Variants in NDRG1 observed in about 807,000 individuals in gnomAD.
NDRG1 encodes N-myc downstream regulated 1, also known as protein NDRG1.
In NDRG1, 32 loss-of-function variants were observed where a neutral mutation model predicts 56.9. The ratio of observed to expected loss-of-function variants is 0.56; its 90% CI spans 0.42 to 0.76. The LOEUF (loss-of-function observed/expected upper bound fraction) is 0.76, where lower values mean the gene tolerates loss of function less well. NDRG1 is among the 30% of genes least tolerant of loss of function. The pLI is 0.00. For missense variants in NDRG1, 507 were observed against 545.7 expected, an observed-to-expected ratio of 0.93 and a Z score of 0.71; for synonymous variants, 211 against 204.1, an observed-to-expected ratio of 1.03 and a Z score of -0.29.
chr8:133,280,307 T>C (rs945488134), intron 2 of NDRG1, 40 bp from the exon 3 acceptor site: 4 of 1,602,814 alleles, frequency 2.5e-6, no homozygotes, highest in Middle Eastern at 1.7e-4. Flanking sequence ...TCATCTGTTT[T>C]CTCTGTAAGA....
chr8:133,292,824 A>G (rs1858500195), intron 1 of NDRG1, among the ~76,000 whole-genome samples: 1 of 152,146 alleles, frequency 6.6e-6, no homozygotes, highest in South Asian at 2.1e-4. Flanking sequence ...GAAAGATTAA[A>G]CTGCTGGGGA....
At chr8:133,239,462 G>A in intron 15 of NDRG1, 2 of 474,518 alleles carry the variant, frequency 4.2e-6, no homozygotes, top group Middle Eastern at 6.0e-4. Flanking sequence ...GTTAAATACT[G>A]ACCCCTGGTA....
chr8:133,296,028 G>C (rs1858730158), intron 1 of NDRG1, among the ~76,000 whole-genome samples: 2 of 152,120 alleles, frequency 1.3e-5, no homozygotes, highest in Admixed American at 1.3e-4. Context: ...ATATGGGGGA[G>C]GGGTGGGTAA....
At chr8:133,295,721 G>A (rs1032586890) in intron 1 of NDRG1, among the ~76,000 whole-genome samples, 2 of 152,230 alleles carry the variant, frequency 1.3e-5, no homozygotes, top group Non-Finnish European at 2.9e-5. Flanking sequence ...ATTTAGATAT[G>A]TTCTTTTGAG....
intron 1 of NDRG1, among the ~76,000 whole-genome samples, chr8:133,289,755 C>T (rs577620674): frequency 1.3e-5 from 2 of 152,280 alleles, no homozygotes; most frequent in South Asian, 4.1e-4. Flanking sequence ...TCAACAGCCC[C>T]TGGGGGACTG....
chr8:133,245,320 G>A (rs1428760842), intron 13 of NDRG1, among the ~76,000 whole-genome samples: 1 of 152,136 alleles, frequency 6.6e-6, no homozygotes, highest in East Asian at 1.9e-4. Context: ...GGTTGTGGTT[G>A]AATTGTGTCC....
chr8:133,258,980 G>A, intron 6 of NDRG1, 188 bp downstream of exon 6: 1 of 679,772 alleles, frequency 1.5e-6, no homozygotes, highest in Non-Finnish European at 2.6e-6. Flanking sequence ...TGAAGTTAGA[G>A]GAGACAGACT....
intron 5 of NDRG1, 68 bp from the exon 6 acceptor site, chr8:133,259,298 G>A (rs1856544884): frequency 6.0e-6 from 9 of 1,501,492 alleles, no homozygotes; most frequent in Non-Finnish European, 7.4e-6. Flanking sequence ...ACAGGGACAC[G>A]CTTGAAGGGT....
Position 133,247,880 on chromosome 8 carries a change from C to T in NDRG1, c.802G>A (p.Ala268Thr), listed in dbSNP as rs752290896. ...VVGDSSPAVD[A>T]VVECNSKLDP... ...CAGCTGTGATTTCTACATACCACGG[C>T]ATCCACTGCAGGCGAGCTGTCCCCA... The change falls in exon 12 of 16, where the codon GCC becomes ACC. Residue 268 changes from alanine (A) to threonine (T), a missense_variant. Transcript: ENST00000323851. 1 of 1,614,002 alleles carries T rather than the reference C, an allele frequency of 6.2e-7. No individual in the cohort carries two copies. The highest frequency in any genetic ancestry group is 8.5e-7 in the Non-Finnish European group (1 of 1,180,026).
chr8:133,286,507 T>C (rs1858121037), intron 1 of NDRG1, among the ~76,000 whole-genome samples: 1 of 152,206 alleles, frequency 6.6e-6, no homozygotes, highest in African/African-American at 2.4e-5. Context: ...GCACCTTTTT[T>C]ATTCCTACAG....
intron 3 of NDRG1, among the ~76,000 whole-genome samples, chr8:133,269,984 C>T (rs112294162): frequency 0.015 from 2,278 of 152,372 alleles, 52 homozygotes; most frequent in African/African-American, 0.051. Flanking sequence ...CATGAGACGT[C>T]ACCTCCTCCT....
intron 9 of NDRG1, among the ~76,000 whole-genome samples, chr8:133,252,449 G>T (rs1045810207): frequency 6.6e-6 from 1 of 152,164 alleles, no homozygotes; most frequent in Non-Finnish European, 1.5e-5. Flanking sequence ...AGAAGCCACA[G>T]GAAACCAACA....
chr8:133,296,365 C>A, intron 1 of NDRG1: 1 of 418,896 alleles, frequency 2.4e-6, no homozygotes, highest in Non-Finnish European at 4.9e-6. Context: ...GGTCACTTCT[C>A]CCACGCCGCC....
intron 9 of NDRG1, among the ~76,000 whole-genome samples, chr8:133,252,979 G>A (rs1479648773): frequency 2.0e-5 from 3 of 152,252 alleles, no homozygotes; most frequent in Non-Finnish European, 2.9e-5. Context: ...CAGCTCCAGA[G>A]TGGAGGCTGT....
chr8:133,297,252 T>C lies in NDRG1; in HGVS notation c.-137A>G, dbSNP rs1478182552. 1.3e-5 allele frequency: 2 copies of C among 152,144 alleles called. No homozygotes were observed. Among genetic ancestry groups the C allele is most frequent in the Non-Finnish European group, 2.9e-5 (2 of 68,046 alleles). 9.4% of individuals were successfully genotyped at this position (152,144 alleles called of 1,614,324 possible). ...CACCAGCTGGGAGCCAGGCGAGGTTTGTTTACGTCCGGGCGGAGGGCGACT... is the reference window on the plus strand; with the variant it reads ...CACCAGCTGGGAGCCAGGCGAGGTTCGTTTACGTCCGGGCGGAGGGCGACT... On this transcript the variant is annotated 5_prime_UTR_variant, in exon 1 of 16. Transcript: ENST00000323851.
intron 3 of NDRG1, among the ~76,000 whole-genome samples, chr8:133,274,070 G>A (rs983127833): frequency 2.6e-5 from 4 of 152,212 alleles, no homozygotes; most frequent in Admixed American, 6.5e-5. Flanking sequence ...ACCAGAGCCA[G>A]GTGGGGGCCT....
In NDRG1 at chr8:133,259,170, A is replaced by T. The variant is rs574238421; in HGVS notation, c.387T>A (p.Phe129Leu). ...AGGAGCTGATCCTTCGCTCTTACCC[A>T]AACTGTTGAAGGACTCCAGGAAGCA... is the stretch of plus-strand genomic sequence containing the variant. The part of the protein sequence containing the change: ...AEMLPGVLQQ[F>L]GLKSIIGMGT... The change falls in exon 6 of 16, where the codon TTT (phenylalanine) becomes TTA (leucine). Residue 129 changes from phenylalanine (F) to leucine (L), a missense_variant and splice_region_variant. Coordinates refer to ENST00000323851, the MANE Select transcript of NDRG1 (RefSeq NM_006096.4). 6.2e-7 allele frequency: 1 copy of T among 1,614,114 alleles called. No homozygotes were observed. Among genetic ancestry groups the T allele is most frequent in the South Asian group, 1.1e-5 (1 of 91,080 alleles).
intron 9 of NDRG1, 26 bp downstream of exon 9, chr8:133,254,513 C>G (rs775475430): frequency 1.2e-6 from 2 of 1,613,758 alleles, no homozygotes; most frequent in Non-Finnish European, 1.7e-6. Context: ...GCAGGAACAA[C>G]AGATTTGCCA....
At chr8:133,292,160 A>T (rs1858465248) in intron 1 of NDRG1, among the ~76,000 whole-genome samples, 1 of 152,206 alleles carries the variant, frequency 6.6e-6, no homozygotes, top group South Asian at 2.1e-4. Context: ...TGAAATTGCA[A>T]GACAGGCATG....
Sources: gnomAD v4.1 joint callset for allele counts (sites outside exome capture counted in the v4.1 genomes callset) on GRCh38, gnomAD v4.1.1 for gene constraint, MANE v1.5 for transcripts, NCBI Gene and HGNC (gene_info 2026-07-23, HGNC 2026-07-21) for gene names.